L3MBTL4: variants seen among roughly 807,000 people sequenced by gnomAD.
The protein encoded by L3MBTL4 is L3MBTL histone methyl-lysine binding protein 4, also known as lethal(3)malignant brain tumor-like protein 4.
In L3MBTL4, 70 loss-of-function variants were observed where a neutral mutation model predicts 84.5. The observed-to-expected ratio is 0.83, with a 90% CI of 0.68 to 1.01. L3MBTL4 has a LOEUF of 1.01. L3MBTL4 is among the 50% of genes least tolerant of loss of function. The pLI, the probability that L3MBTL4 is intolerant of heterozygous loss-of-function variation, is 0.00. For synonymous variants in L3MBTL4, 274 were observed against 259.8 expected (o/e 1.05, Z -0.52); for missense variants, 715 against 754.8 (o/e 0.95, Z 0.62).
At chr18:5,994,350 G>A (rs114885503) in intron 16 of L3MBTL4, among the ~76,000 whole-genome samples, 1 of 152,140 alleles carries the variant, frequency 6.6e-6, no homozygotes, top group Non-Finnish European at 1.5e-5. Flanking sequence ...CACAAAGCAG[G>A]TGCTCAAAAA....
rs189497703 is a variant in L3MBTL4, at chr18:6,122,649, C to T, written c.1199+15545G>A. ...TAAACCCTCCTTCTTTTGTAAATTG[C>T]GCAGTCTTGGGTATGTCTTTATCAG... On this transcript the variant is annotated intron_variant, in intron 14 of 18. Transcript: ENST00000317931. 1.4e-4 allele frequency among the ~76,000 whole-genome samples: 21 copies of T among 152,264 alleles called. 1 individual carries two copies. Among genetic ancestry groups the T allele is most frequent in the Admixed American group, 6.5e-4 (10 of 15,288 alleles).
At chr18:6,158,510 G>T (rs981432062) in intron 13 of L3MBTL4, among the ~76,000 whole-genome samples, 4 of 152,174 alleles carry the variant, frequency 2.6e-5, no homozygotes, top group Admixed American at 2.0e-4. Flanking sequence ...TGAATGAGAG[G>T]CTTAAGGAAG....
At chr18:6,106,389 A>G (rs915875349) in intron 14 of L3MBTL4, among the ~76,000 whole-genome samples, 2 of 152,352 alleles carry the variant, frequency 1.3e-5, no homozygotes, top group South Asian at 4.1e-4. Flanking sequence ...AGTAGGGAAC[A>G]TAGAATACTT....
At chr18:6,142,143 C>T (rs1331233027) in intron 13 of L3MBTL4, among the ~76,000 whole-genome samples, 1 of 152,192 alleles carries the variant, frequency 6.6e-6, no homozygotes, top group Non-Finnish European at 1.5e-5. Flanking sequence ...TAGCACCTAC[C>T]TCAATTACAA....
At chr18:6,250,263 T>C (rs2047865507) in intron 5 of L3MBTL4, among the ~76,000 whole-genome samples, 1 of 152,058 alleles carries the variant, frequency 6.6e-6, no homozygotes, top group Non-Finnish European at 1.5e-5. Flanking sequence ...GCTTGTAAAA[T>C]GGGCCATAAC....
intron 16 of L3MBTL4, among the ~76,000 whole-genome samples, chr18:6,016,478 T>G (rs966956227): frequency 1.3e-5 from 2 of 152,154 alleles, no homozygotes; most frequent in African/African-American, 4.8e-5. Flanking sequence ...TATCTCTAAC[T>G]CAAATATTCT....
intron 14 of L3MBTL4, among the ~76,000 whole-genome samples, chr18:6,108,905 G>T (rs1281397662): frequency 6.6e-6 from 1 of 152,184 alleles, no homozygotes; most frequent in East Asian, 1.9e-4. Flanking sequence ...AAAGTGTACA[G>T]AAGAATATGT....
intron 14 of L3MBTL4, among the ~76,000 whole-genome samples, chr18:6,126,947 GAC>G (rs1277599385): frequency 6.6e-6 from 1 of 152,178 alleles, no homozygotes; most frequent in Non-Finnish European, 1.5e-5. Context: ...CAAGGAAAAT[GAC>G]AGACCAAGTG....
chr18:6,037,009 T>C (rs1162917110), intron 16 of L3MBTL4, among the ~76,000 whole-genome samples: 2 of 152,030 alleles, frequency 1.3e-5, no homozygotes, highest in African/African-American at 4.8e-5. Flanking sequence ...AAAAGTGCAC[T>C]GGCTTTTTAT....
At chr18:6,355,125 T>C (rs1293590553) in intron 1 of L3MBTL4, among the ~76,000 whole-genome samples, 2 of 152,182 alleles carry the variant, frequency 1.3e-5, no homozygotes, top group Non-Finnish European at 1.5e-5. Flanking sequence ...GATCCTGTCA[T>C]TTCCAACAAC....
chr18:6,214,192 CA>C (rs557947883), intron 11 of L3MBTL4, among the ~76,000 whole-genome samples: 317 of 152,252 alleles, frequency 2.1e-3, no homozygotes, highest in African/African-American at 7.3e-3. Context: ...TGGTTTCTTT[CA>C]CTTGAAAGGA....
intron 1 of L3MBTL4, among the ~76,000 whole-genome samples, chr18:6,330,368 T>C (rs1459372650): frequency 6.6e-6 from 1 of 152,244 alleles, no homozygotes; most frequent in Non-Finnish European, 1.5e-5. Flanking sequence ...CCAGAAGCTC[T>C]AGAAGATAAT....
At position 6,401,741 on chromosome 18, in the gene L3MBTL4, C is replaced by A. The variant is rs547274971; in HGVS notation, c.-91+13060G>T. Among the ~76,000 whole-genome samples the A allele has an allele frequency of 4.6e-5, 7 of 152,208 alleles. No individual in the cohort carries two copies. In the South Asian group the frequency reaches 1.2e-3, roughly 27 times the overall value. The stretch of plus-strand genomic sequence containing the variant: ...GGCGGCTCTAATATTTGAAAAGCAT[C>A]CCCACATACTGTGTGGTGACACCTC... On this transcript the variant is annotated intron_variant, in intron 1 of 18. Coordinates refer to ENST00000317931, the MANE Select transcript of L3MBTL4 (RefSeq NM_001330559.2).
intron 14 of L3MBTL4, among the ~76,000 whole-genome samples, chr18:6,128,167 C>A: frequency 6.6e-6 from 1 of 150,664 alleles, no homozygotes. Flanking sequence ...AGAATGTGTT[C>A]TCAGAAACTG....
At chr18:6,350,705 T>C (rs1408714484) in intron 1 of L3MBTL4, among the ~76,000 whole-genome samples, 1 of 152,122 alleles carries the variant, frequency 6.6e-6, no homozygotes, top group Admixed American at 6.5e-5. Context: ...CCATATGACA[T>C]AGCAATTTCA....
At chr18:6,327,061 G>A (rs928255646) in intron 1 of L3MBTL4, among the ~76,000 whole-genome samples, 2 of 152,176 alleles carry the variant, frequency 1.3e-5, no homozygotes, top group African/African-American at 4.8e-5. Context: ...AGGGAAATGC[G>A]TATTAAATAT....
At chr18:5,967,026 C>T (rs2052384729) in intron 17 of L3MBTL4, among the ~76,000 whole-genome samples, 1 of 152,170 alleles carries the variant, frequency 6.6e-6, no homozygotes, top group South Asian at 2.1e-4. Flanking sequence ...TCTCATCCAC[C>T]TCTTCTCGTC....
chr18:6,144,196 C>CAAAAAAAAAAAAAAAAAA, intron 13 of L3MBTL4, among the ~76,000 whole-genome samples: 1 of 58,060 alleles, frequency 1.7e-5, no homozygotes. Flanking sequence ...ACTCCATCTC[C>CAAAAAAAAAAAAAAAAAA]AAAAAAAAAA....
intron 1 of L3MBTL4, among the ~76,000 whole-genome samples, chr18:6,394,618 C>T (rs1289590563): frequency 6.6e-6 from 1 of 152,138 alleles, no homozygotes; most frequent in Non-Finnish European, 1.5e-5. Context: ...CAAACATCTA[C>T]AGCAATGCCT....
Sources: gnomAD v4.1 joint callset for allele counts (sites outside exome capture counted in the v4.1 genomes callset) on GRCh38, gnomAD v4.1.1 for gene constraint, MANE v1.5 for transcripts, NCBI Gene and HGNC (gene_info 2026-07-23, HGNC 2026-07-21) for gene names.